SLC14A2: variants seen among roughly 807,000 people sequenced by gnomAD.
SLC14A2 encodes the protein solute carrier family 14 member 2, also known as urea transporter 2.
A neutral mutation model predicts 104.6 loss-of-function variants in SLC14A2; 91 were observed. The observed-to-expected ratio is 0.87, with a 90% CI of 0.73 to 1.04. SLC14A2 has a LOEUF of 1.04. Among genes scored for constraint, SLC14A2 ranks in the 50% least tolerant of loss-of-function variants. SLC14A2 has a pLI of 0.00. For missense variants in SLC14A2, 1,189 were observed against 1,156.0 expected (o/e 1.03, Z -0.41); for synonymous variants, 476 against 466.4 (o/e 1.02, Z -0.27).
intron 1 of SLC14A2, among the ~76,000 whole-genome samples, chr18:45,469,998 A>C (rs981546229): frequency 1.3e-5 from 2 of 152,204 alleles, no homozygotes; most frequent in African/African-American, 4.8e-5. Context: ...AAAATCCCCA[A>C]ATGAAGTGTA....
chr18:45,564,914 T>A (rs1261205537), intron 2 of SLC14A2, among the ~76,000 whole-genome samples: 1 of 151,966 alleles, frequency 6.6e-6, no homozygotes, highest in African/African-American at 2.4e-5. Flanking sequence ...GTAACTAAAG[T>A]GAGACTTTGT....
At chr18:45,391,935 A>T (rs960809824) in intron 1 of SLC14A2, among the ~76,000 whole-genome samples, 1 of 152,142 alleles carries the variant, frequency 6.6e-6, no homozygotes, top group Non-Finnish European at 1.5e-5. Context: ...GTTTAATTAG[A>T]TCCCACTTGT....
chr18:45,634,020 A>G lies in SLC14A2; in HGVS notation c.650+1542A>G, dbSNP rs186947220. ...AAAACTACATAGATTAAGCCCCTCAACACAGCTCCTCAACCACATTGCACT... is the reference window on the plus strand; with the variant it reads ...AAAACTACATAGATTAAGCCCCTCAGCACAGCTCCTCAACCACATTGCACT... On this transcript the variant is annotated intron_variant, in intron 5 of 19. Transcript: ENST00000255226. Among the ~76,000 whole-genome samples the G allele has an allele frequency of 8.2e-3, 1,242 of 152,260 alleles. 13 individuals are homozygous for G. Among genetic ancestry groups the G allele is most frequent in the Non-Finnish European group, 0.011 (764 of 68,018 alleles).
rs529183891 is a variant in SLC14A2 at position 45,230,672 on chromosome 18, G to A, written c.-125+17481G>A. Among the ~76,000 whole-genome samples, 40 of 152,242 alleles carry A rather than the reference G, an allele frequency of 2.6e-4. No individual in the cohort carries two copies. The South Asian group carries it at 7.7e-3, about 29-fold the overall frequency. ...GATTCAAATGTGAATGTCTTTGGGG[G>A]CCATTATTCTGCCTACCACAAGGTC... On this transcript the variant is annotated intron_variant, in intron 1 of 20. Coordinates refer to the SLC14A2 transcript ENST00000586448.
At chr18:45,407,379 C>A (rs1449416110) in intron 1 of SLC14A2, among the ~76,000 whole-genome samples, 1 of 152,200 alleles carries the variant, frequency 6.6e-6, no homozygotes, top group Admixed American at 6.5e-5. Flanking sequence ...TAGAGCTTTT[C>A]TCTGGATTAG....
At chr18:45,226,586 G>A (rs2084119853) in intron 1 of SLC14A2, among the ~76,000 whole-genome samples, 1 of 147,906 alleles carries the variant, frequency 6.8e-6, no homozygotes. Context: ...ACCAAACACT[G>A]CATGTTCTCA....
chr18:45,515,283 G>C (rs532538251), intron 2 of SLC14A2, among the ~76,000 whole-genome samples: 18 of 152,330 alleles, frequency 1.2e-4, no homozygotes, highest in African/African-American at 4.3e-4. Flanking sequence ...TAGCCTCACT[G>C]AGCTAAAATG....
intron 16 of SLC14A2, among the ~76,000 whole-genome samples, chr18:45,672,424 G>T (rs1432278666): frequency 3.3e-5 from 5 of 152,008 alleles, no homozygotes; most frequent in African/African-American, 1.2e-4. Flanking sequence ...AGCTACTCGG[G>T]AGGCTGAGGC....
chr18:45,209,520 A>T (rs1299528016), upstream of SLC14A2, among the ~76,000 whole-genome samples: 1 of 151,298 alleles, frequency 6.6e-6, no homozygotes, highest in Non-Finnish European at 1.5e-5. Flanking sequence ...TGAACATTTT[A>T]AAGTAACTAG....
intron 1 of SLC14A2, among the ~76,000 whole-genome samples, chr18:45,426,624 A>G: frequency 6.7e-6 from 1 of 148,928 alleles, no homozygotes; most frequent in East Asian, 2.0e-4. Context: ...ATATACACAT[A>G]TATATACTAT....
the SLC14A2 span, among the ~76,000 whole-genome samples, chr18:45,184,525 C>CA: frequency 3.3e-5 from 5 of 152,170 alleles, no homozygotes; most frequent in Admixed American, 3.3e-4. Context: ...CCTTGTCTCA[C>CA]ACCAAGCCCA....
chr18:45,285,924 G>A (rs1179421927), intron 1 of SLC14A2, among the ~76,000 whole-genome samples: 2 of 152,188 alleles, frequency 1.3e-5, no homozygotes, highest in African/African-American at 4.8e-5. Context: ...CTTGCAAGAT[G>A]CCTGTGCCCA....
chr18:45,616,892 G>A (rs2045080159), intron 1 of SLC14A2, among the ~76,000 whole-genome samples: 1 of 152,148 alleles, frequency 6.6e-6, no homozygotes, highest in Non-Finnish European at 1.5e-5. Context: ...GAGCTCAGGA[G>A]TCTGAGACCA....
At chr18:45,227,789 G>T (rs1003641895) in intron 1 of SLC14A2, among the ~76,000 whole-genome samples, 1 of 152,148 alleles carries the variant, frequency 6.6e-6, no homozygotes, top group African/African-American at 2.4e-5. Flanking sequence ...AATCCAGAAA[G>T]CCAAGCTTCA....
chr18:45,617,665 T>A (rs941742531), intron 1 of SLC14A2, among the ~76,000 whole-genome samples: 5 of 152,090 alleles, frequency 3.3e-5, no homozygotes, highest in Non-Finnish European at 7.4e-5. Flanking sequence ...CCCTCCCTGA[T>A]CTCCCTGATG....
At position 45,643,917 on chromosome 18, in the gene SLC14A2, C is replaced by T. The variant is rs908709136; in HGVS notation, c.1177-69C>T. On this transcript the variant is annotated intron_variant, in intron 9 of 19. Coordinates refer to ENST00000255226, the MANE Select transcript of SLC14A2 (RefSeq NM_007163.4). ...TCCTCAACGCCTGTCACATCCTTCT[C>T]CCCCAGAGTCCCCAGCCCAACACAG... 5.1e-6 allele frequency: 7 copies of T among 1,381,952 alleles called. No individual in the cohort carries two copies. The South Asian group carries it at 7.6e-5, about 15-fold the overall frequency. The allele number at this position is 1,381,952 out of a possible 1,614,324, so 85.6% of individuals were successfully genotyped here. A position where few individuals can be genotyped will look rare whatever the true frequency, so the allele number is the denominator to read the frequency against.
intron 2 of SLC14A2, among the ~76,000 whole-genome samples, chr18:45,488,241 G>A (rs1418882140): frequency 6.6e-6 from 1 of 152,088 alleles, no homozygotes; most frequent in African/African-American, 2.4e-5. Context: ...GATGAGATTG[G>A]GTTGGATATG....
At chr18:45,621,261 C>T (rs1599075365) in intron 1 of SLC14A2, among the ~76,000 whole-genome samples, 2 of 152,214 alleles carry the variant, frequency 1.3e-5, no homozygotes, top group Admixed American at 1.3e-4. Context: ...AGTGTGCCCA[C>T]CCCTTACTGA....
intron 1 of SLC14A2, among the ~76,000 whole-genome samples, chr18:45,413,514 A>C (rs898870470): frequency 6.6e-6 from 1 of 152,110 alleles, no homozygotes; most frequent in Non-Finnish European, 1.5e-5. Flanking sequence ...CTTTCTCCTC[A>C]TCTGGACTCA....
Sources: gnomAD v4.1 joint callset for allele counts (sites outside exome capture counted in the v4.1 genomes callset) on GRCh38, gnomAD v4.1.1 for gene constraint, MANE v1.5 for transcripts, NCBI Gene and HGNC (gene_info 2026-07-23, HGNC 2026-07-21) for gene names.